Variants in METTL21A observed in about 807,000 individuals in gnomAD.
The protein encoded by METTL21A is methyltransferase 21A, HSPA lysine, also known as protein N-lysine methyltransferase METTL21A.
In METTL21A, 22 loss-of-function variants were observed where a neutral mutation model predicts 20.9. The ratio of observed to expected loss-of-function variants is 1.05; its 90% CI spans 0.75 to 1.50. METTL21A has a LOEUF of 1.50. Among genes scored for constraint, METTL21A ranks in the 40% most tolerant of loss-of-function variants. METTL21A has a pLI of 0.00. For missense variants in METTL21A, 271 were observed against 266.8 expected, an observed-to-expected ratio of 1.02 and a Z score of -0.11; for synonymous variants, 93 against 102.0, an observed-to-expected ratio of 0.91 and a Z score of 0.53.
chr2:207,589,773 T>C (rs763569591), intron 3 of METTL21A, among the ~76,000 whole-genome samples: 63 of 152,222 alleles, frequency 4.1e-4, no homozygotes, highest in Admixed American at 1.2e-3. Context: ...TACTCCAATT[T>C]TGAGATATGC....
intron 3 of METTL21A, among the ~76,000 whole-genome samples, chr2:207,582,713 G>A (rs895123328): frequency 2.0e-5 from 3 of 151,932 alleles, no homozygotes; most frequent in Non-Finnish European, 4.4e-5. Flanking sequence ...GGCCAATATG[G>A]TGAAACCCTC....
At chr2:207,594,852 TC>T (rs1199483525) in intron 3 of METTL21A, among the ~76,000 whole-genome samples, 1 of 152,160 alleles carries the variant, frequency 6.6e-6, no homozygotes, top group Non-Finnish European at 1.5e-5. Context: ...ACACAAGAGT[TC>T]CAGTTTCCTC....
downstream of METTL21A, chr2:207,580,851 C>T (rs1177397103): frequency 9.1e-6 from 2 of 219,730 alleles, no homozygotes; most frequent in Non-Finnish European, 1.8e-5. Context: ...GGATCCTGGG[C>T]TAGATAGAGC....
chr2:207,624,774 G>A (rs760042802), intron 1 of METTL21A: 15 of 152,740 alleles, frequency 9.8e-5, no homozygotes, highest in Non-Finnish European at 1.5e-4. Context: ...ACCCAGACCC[G>A]GGCGCCCGGA....
intron 2 of METTL21A, among the ~76,000 whole-genome samples, chr2:207,622,161 ATTT>A (rs11326646): frequency 5.7e-5 from 7 of 122,308 alleles, no homozygotes; most frequent in Admixed American, 8.7e-5. Context: ...GGAAAGCTTA[ATTT>A]TTTTTTTTTT....
At chr2:207,600,993 GTTTA>G in intron 3 of METTL21A, 1 of 188,018 alleles carries the variant, frequency 5.3e-6, no homozygotes, top group East Asian at 8.7e-5. Context: ...ATTGGTCTCT[GTTTA>G]TTTTGAAGAT....
downstream of METTL21A, chr2:207,580,940 G>A (rs2082887431): frequency 4.6e-6 from 1 of 217,074 alleles, no homozygotes; most frequent in African/African-American, 2.2e-5. Context: ...CTCGTGATCT[G>A]TTAGCCACAG....
In METTL21A at chr2:207,614,093, A is replaced by C. The variant is rs75010464; in HGVS notation, c.260-650T>G. Among the ~76,000 whole-genome samples, 476 of 152,254 alleles carry C rather than the reference A, an allele frequency of 3.1e-3. 5 individuals are homozygous for C. Among genetic ancestry groups the C allele is most frequent in the African/African-American group, 0.011 (460 of 41,548 alleles). On this transcript the variant is annotated intron_variant, in intron 3 of 3. Coordinates refer to ENST00000406927, the Ensembl canonical transcript of METTL21A. ...TCAGTTGGCCGCAGGCTAAAATGGA[A>C]TCCAAGAATGAAATATCTGGGAGCA... is the stretch of plus-strand genomic sequence containing the variant.
At chr2:207,621,683 A>G in intron 3 of METTL21A, 123 bp downstream of exon 3, 2 of 808,950 alleles carry the variant, frequency 2.5e-6, no homozygotes, top group Non-Finnish European at 4.2e-6. Flanking sequence ...CACAACTCAT[A>G]AGTATAAGCA....
intron 3 of METTL21A, among the ~76,000 whole-genome samples, chr2:207,593,832 C>T (rs1447823250): frequency 1.3e-5 from 2 of 151,622 alleles, no homozygotes; most frequent in Non-Finnish European, 2.9e-5. Context: ...GATTTTCCTA[C>T]CTCAGCCTCC....
chr2:207,593,623 G>A (rs2085506606), intron 3 of METTL21A, among the ~76,000 whole-genome samples: 1 of 151,992 alleles, frequency 6.6e-6, no homozygotes, highest in Non-Finnish European at 1.5e-5. Flanking sequence ...ACTGCCATTT[G>A]GAGTTACCTA....
downstream of METTL21A, chr2:207,581,606 A>C (rs2082966479): frequency 5.8e-6 from 2 of 344,898 alleles, no homozygotes; most frequent in African/African-American, 2.1e-5. Context: ...TACATTTTTA[A>C]TATATTTTTA....
At chr2:207,620,930 C>T (rs1047913695) in intron 3 of METTL21A, 2 of 362,484 alleles carry the variant, frequency 5.5e-6, no homozygotes. Context: ...ATCCTTCCTA[C>T]CCAAGTGTAG....
upstream of METTL21A, chr2:207,625,787 G>C (rs2091034775): frequency 6.6e-6 from 1 of 152,362 alleles, no homozygotes; most frequent in Non-Finnish European, 1.5e-5. Context: ...CGCGTTAGCG[G>C]ATGATGGAGA....
intron 3 of METTL21A, among the ~76,000 whole-genome samples, chr2:207,617,495 C>A (rs1422421715): frequency 1.3e-5 from 2 of 152,192 alleles, no homozygotes; most frequent in Admixed American, 6.5e-5. Flanking sequence ...CAGGCCAGAG[C>A]AGGATGTGTG....
intron 3 of METTL21A, chr2:207,602,881 G>A (rs529483784): frequency 9.2e-6 from 2 of 217,658 alleles, no homozygotes; most frequent in African/African-American, 4.5e-5. Flanking sequence ...CATGTCAGTT[G>A]TAACTCCCCC....
chr2:207,596,673 T>A (rs1391715540), intron 3 of METTL21A, among the ~76,000 whole-genome samples: 1 of 152,174 alleles, frequency 6.6e-6, no homozygotes, highest in African/African-American at 2.4e-5. Flanking sequence ...CCTCAGGTGA[T>A]CTCCCTGCCT....
chr2:207,618,820 T>C (rs781730529), intron 3 of METTL21A, among the ~76,000 whole-genome samples: 4 of 152,198 alleles, frequency 2.6e-5, no homozygotes, highest in Non-Finnish European at 4.4e-5. Flanking sequence ...AGTGGGTAAC[T>C]GAAGCCAGGG....
chr2:207,607,074 G>A (rs1411342500), downstream of METTL21A, among the ~76,000 whole-genome samples: 1 of 151,942 alleles, frequency 6.6e-6, no homozygotes, highest in Non-Finnish European at 1.5e-5. Context: ...TTTGAACAGG[G>A]TACCATGTTA....
Sources: allele counts gnomAD v4.1 joint callset (sites outside exome capture counted in the v4.1 genomes callset), GRCh38; gene constraint gnomAD v4.1.1; transcripts MANE v1.5; gene names NCBI Gene and HGNC (gene_info 2026-07-23, HGNC 2026-07-21).